Variants in DAAM1 observed in about 807,000 individuals in gnomAD.
DAAM1 encodes the protein disheveled-associated activator of morphogenesis 1.
A neutral mutation model predicts 130.0 loss-of-function variants in DAAM1; 52 were observed. The ratio of observed to expected loss-of-function variants is 0.40; its 90% CI spans 0.32 to 0.50. DAAM1 has a LOEUF of 0.50. Ranked by LOEUF, DAAM1 falls within the 20% of genes least tolerant of loss-of-function variation. DAAM1 has a pLI of 0.61. For synonymous variants in DAAM1, 452 were observed against 444.5 expected (o/e 1.02, Z -0.21); for missense variants, 1,134 against 1,303.8 (o/e 0.87, Z 2.01).
chr14:59,204,579 T>A (rs1206407332), intron 1 of DAAM1, among the ~76,000 whole-genome samples: 1 of 152,242 alleles, frequency 6.6e-6, no homozygotes, highest in African/African-American at 2.4e-5. Flanking sequence ...TATCTCATCA[T>A]AGTGACTGGT....
chr14:59,345,615 T>C (rs1213043694), intron 16 of DAAM1, among the ~76,000 whole-genome samples: 2 of 152,124 alleles, frequency 1.3e-5, no homozygotes, highest in Non-Finnish European at 2.9e-5. Context: ...GCATCCTTGG[T>C]GGGGTGCCTC....
intron 1 of DAAM1, among the ~76,000 whole-genome samples, chr14:59,218,220 A>G (rs1888653616): frequency 6.6e-6 from 1 of 152,202 alleles, no homozygotes; most frequent in Admixed American, 6.5e-5. Flanking sequence ...GCTAGTGGCT[A>G]CTGTAGTAGA....
At chr14:59,341,210 A>G (rs1429943068) in intron 16 of DAAM1, among the ~76,000 whole-genome samples, 1 of 152,314 alleles carries the variant, frequency 6.6e-6, no homozygotes, top group East Asian at 1.9e-4. Flanking sequence ...TGCAACTAGT[A>G]AGGTAACCTG....
chr14:59,325,676 T>C lies in DAAM1; in HGVS notation c.1002T>C (p.Phe334=), dbSNP rs1248625929. The change falls in exon 9 of 25, where the codon TTT becomes TTC. Residue 334 remains phenylalanine (F), a synonymous_variant. Transcript: ENST00000360909. ...ENSTLDRHLD[F]FEMLRNEDEL... ...CATTATTTTTCAGGCATTTAGACTT[T>C]TTTGAAATGCTCCGAAATGAAGATG... 1 of 1,613,992 alleles carries C rather than the reference T, an allele frequency of 6.2e-7. No homozygotes were observed. Among genetic ancestry groups the C allele is most frequent in the Non-Finnish European group, 8.5e-7 (1 of 1,179,978 alleles).
intron 20 of DAAM1, among the ~76,000 whole-genome samples, chr14:59,356,598 TCCACAG>T (rs1350041261): frequency 1.3e-5 from 2 of 152,184 alleles, no homozygotes; most frequent in African/African-American, 4.8e-5. Flanking sequence ...TGTTGGTCCA[TCCACAG>T]CTCTATTAGC....
chr14:59,282,983 A>G (rs1883290275), intron 2 of DAAM1, among the ~76,000 whole-genome samples: 2 of 152,024 alleles, frequency 1.3e-5, no homozygotes, highest in African/African-American at 4.8e-5. Context: ...CCTAGTTCAT[A>G]TGTGTTCTTT....
chr14:59,304,478 A>G (rs1884302146), intron 3 of DAAM1, among the ~76,000 whole-genome samples: 1 of 152,228 alleles, frequency 6.6e-6, no homozygotes, highest in Non-Finnish European at 1.5e-5. Context: ...GTTACAGTAG[A>G]GTCTACCAAA....
At chr14:59,353,446 A>C (rs1413872385) in intron 18 of DAAM1, among the ~76,000 whole-genome samples, 1 of 152,198 alleles carries the variant, frequency 6.6e-6, no homozygotes. Context: ...GAAAGTTAAG[A>C]AATTTGGAAT....
intron 4 of DAAM1, among the ~76,000 whole-genome samples, chr14:59,319,884 G>A (rs1255106937): frequency 6.6e-6 from 1 of 151,504 alleles, no homozygotes; most frequent in Non-Finnish European, 1.5e-5. Context: ...CCATATTAAA[G>A]TTTGAGAAGC....
In DAAM1 at chr14:59,357,149, G is replaced by A. The variant is rs112446060; in HGVS notation, c.2525+1816G>A. On this transcript the variant is annotated intron_variant, in intron 20 of 24. Transcript: ENST00000360909. ...AGTCAAATGAGGTATTATTTGGATCGCAAACAAATGAAGCTCAGGCATGGT... is the reference window on the plus strand; with the variant it reads ...AGTCAAATGAGGTATTATTTGGATCACAAACAAATGAAGCTCAGGCATGGT... Among the ~76,000 whole-genome samples, 13 of 152,280 alleles carry A rather than the reference G, an allele frequency of 8.5e-5. 1 individual carries two copies. Among genetic ancestry groups the A allele is most frequent in the African/African-American group, 2.6e-4 (11 of 41,562 alleles).
At chr14:59,194,842 G>A (rs1232764839) in intron 1 of DAAM1, among the ~76,000 whole-genome samples, 1 of 152,216 alleles carries the variant, frequency 6.6e-6, no homozygotes, top group African/African-American at 2.4e-5. Flanking sequence ...ATTAAATGGG[G>A]AAAACCAGGG....
chr14:59,287,447 G>A (rs1883511937), intron 2 of DAAM1, among the ~76,000 whole-genome samples: 1 of 152,162 alleles, frequency 6.6e-6, no homozygotes, highest in Non-Finnish European at 1.5e-5. Context: ...AAATAAGCAA[G>A]AGAAAGAAAT....
At chr14:59,284,379 T>C (rs1226135796) in intron 2 of DAAM1, among the ~76,000 whole-genome samples, 1 of 152,178 alleles carries the variant, frequency 6.6e-6, no homozygotes, top group Non-Finnish European at 1.5e-5. Flanking sequence ...ATGAGTATTA[T>C]AGAACTGCAG....
chr14:59,360,783 A>G lies in DAAM1; in HGVS notation c.2634-19A>G. On this transcript the variant is annotated intron_variant, in intron 21 of 24. Transcript: ENST00000360909. ...TGTAAGTCACATGTTGATTGCTAAAACATTGCTATTTACAACAGCATGACT... is the reference window on the plus strand; with the variant it reads ...TGTAAGTCACATGTTGATTGCTAAAGCATTGCTATTTACAACAGCATGACT... 6.2e-7 allele frequency: 1 copy of G among 1,611,472 alleles called. No individual in the cohort carries two copies. Among genetic ancestry groups the G allele is most frequent in the Non-Finnish European group, 8.5e-7 (1 of 1,178,660 alleles).
chr14:59,366,039 T>C (rs1448230042), intron 23 of DAAM1, among the ~76,000 whole-genome samples: 1 of 151,460 alleles, frequency 6.6e-6, no homozygotes, highest in East Asian at 1.9e-4. Context: ...ACTGTATACA[T>C]ATATTTTTAT....
intron 2 of DAAM1, among the ~76,000 whole-genome samples, chr14:59,285,863 T>C (rs1883427161): frequency 6.6e-6 from 1 of 152,078 alleles, no homozygotes; most frequent in African/African-American, 2.4e-5. Context: ...AAACAGATCA[T>C]TGAGGCAGAA....
chr14:59,359,801 TAGAAGACCTAAGTGTC>T (rs1886635077), intron 21 of DAAM1, among the ~76,000 whole-genome samples: 1 of 152,326 alleles, frequency 6.6e-6, no homozygotes, highest in Non-Finnish European at 1.5e-5. Context: ...GCTAAGCAAA[TAGAAGACCTAAGTGTC>T]AGAACATTGC....
At chr14:59,350,453 C>T (rs955083473) in intron 17 of DAAM1, among the ~76,000 whole-genome samples, 41 of 41,986 alleles carry the variant, frequency 9.8e-4, no homozygotes, top group African/African-American at 2.6e-3. Context: ...CTCATGCACA[C>T]GCCCCTTACA....
intron 2 of DAAM1, among the ~76,000 whole-genome samples, chr14:59,281,036 G>A (rs1883192341): frequency 7.5e-6 from 1 of 133,454 alleles, no homozygotes; most frequent in South Asian, 2.5e-4. Flanking sequence ...TTTCCTGCAG[G>A]ATGAGTTCTT....
Sources: allele counts gnomAD v4.1 joint callset (sites outside exome capture counted in the v4.1 genomes callset), GRCh38; gene constraint gnomAD v4.1.1; transcripts MANE v1.5; gene names NCBI Gene and HGNC (gene_info 2026-07-23, HGNC 2026-07-21).